The following ATP6V0A4 variants were observed in gnomAD, a reference collection of about 807,000 sequenced individuals.
The protein encoded by ATP6V0A4 is ATPase H+ transporting V0 subunit a4, also known as V-type proton ATPase 116 kDa subunit a 4.
A neutral mutation model predicts 107.3 loss-of-function variants in ATP6V0A4; 86 were observed. The observed-to-expected ratio is 0.80, with a 90% CI of 0.67 to 0.96. The LOEUF (loss-of-function observed/expected upper bound fraction) is 0.96, where lower values mean the gene tolerates loss of function less well. Among genes scored for constraint, ATP6V0A4 ranks in the 40% least tolerant of loss-of-function variants. The pLI, the probability that ATP6V0A4 is intolerant of heterozygous loss-of-function variation, is 0.00. For missense variants in ATP6V0A4, 908 were observed against 1,045.6 expected (o/e 0.87, Z 1.81); for synonymous variants, 353 against 381.4 (o/e 0.93, Z 0.87).
chr7:138,735,914 T>A (rs1805294077), intron 15 of ATP6V0A4, among the ~76,000 whole-genome samples: 1 of 152,218 alleles, frequency 6.6e-6, no homozygotes. Context: ...TTTTAAAAAA[T>A]TAGCCCAGCA....
intron 2 of ATP6V0A4, among the ~76,000 whole-genome samples, chr7:138,780,880 G>C (rs1807888221): frequency 6.6e-6 from 1 of 151,750 alleles, no homozygotes; most frequent in Non-Finnish European, 1.5e-5. Flanking sequence ...ACTCCAGCCT[G>C]GGTGAAAGAG....
At chr7:138,774,289 A>G (rs62486967) in intron 2 of ATP6V0A4, among the ~76,000 whole-genome samples, 15,347 of 152,164 alleles carry the variant, frequency 0.1, 901 homozygotes, top group Non-Finnish European at 0.12. Context: ...TTGAAAAATA[A>G]TTTTGGGGGC....
At chr7:138,731,541 G>T (rs1369946390) in intron 17 of ATP6V0A4, among the ~76,000 whole-genome samples, 2 of 152,108 alleles carry the variant, frequency 1.3e-5, no homozygotes, top group Non-Finnish European at 2.9e-5. Context: ...TGTCATCAAA[G>T]AATTACTCAC....
At chr7:138,783,239 C>T (rs1428780665) in intron 2 of ATP6V0A4, among the ~76,000 whole-genome samples, 1 of 151,902 alleles carries the variant, frequency 6.6e-6, no homozygotes. Context: ...TTCCCCTCCC[C>T]AAATTCTGTG....
intron 8 of ATP6V0A4, 33 bp from the exon 9 acceptor site, chr7:138,756,573 GGGGGTTTCTTTCT>G (rs1806526867): frequency 6.2e-7 from 1 of 1,600,658 alleles, no homozygotes; most frequent in African/African-American, 1.3e-5. Flanking sequence ...AAAAAAAGGG[GGGGGTTTCTTTCT>G]GGTTAAAACA....
intron 17 of ATP6V0A4, among the ~76,000 whole-genome samples, chr7:138,729,589 C>T (rs1178390173): frequency 6.6e-6 from 1 of 152,112 alleles, no homozygotes; most frequent in Non-Finnish European, 1.5e-5. Flanking sequence ...CTTTCACATC[C>T]TCACGCCCCT....
intron 11 of ATP6V0A4, among the ~76,000 whole-genome samples, chr7:138,750,265 T>A (rs901476952): frequency 6.6e-6 from 1 of 152,018 alleles, no homozygotes; most frequent in Non-Finnish European, 1.5e-5. Context: ...TTCTTTTTCT[T>A]TTTTTTTCTT....
intron 17 of ATP6V0A4, among the ~76,000 whole-genome samples, chr7:138,730,916 T>TTCTTC (rs3080531): frequency 1.4e-5 from 2 of 140,970 alleles, no homozygotes; most frequent in African/African-American, 5.3e-5. Context: ...CAAGGCATTT[T>TTCTTC]TTCTTCTTCT....
At chr7:138,771,469 C>A (rs1807388922) in intron 2 of ATP6V0A4, among the ~76,000 whole-genome samples, 1 of 142,284 alleles carries the variant, frequency 7.0e-6, no homozygotes, top group Non-Finnish European at 1.5e-5. Flanking sequence ...TGGTGCAATT[C>A]TGGCTTACTG....
intron 8 of ATP6V0A4, among the ~76,000 whole-genome samples, chr7:138,757,407 C>T (rs1806566033): frequency 6.6e-6 from 1 of 151,926 alleles, no homozygotes; most frequent in Admixed American, 6.6e-5. Context: ...TCCCAGCTAC[C>T]AGGAAGGCTG....
chr7:138,769,187 A>T lies in ATP6V0A4; in HGVS notation c.182T>A (p.Leu61Gln). The T allele has an allele frequency of 6.2e-7, 1 of 1,611,384 alleles. No homozygotes were observed. Among genetic ancestry groups the T allele is most frequent in the Non-Finnish European group, 8.5e-7 (1 of 1,179,800 alleles). ...FVNEVRRCES[L>Q]ERILRFLEDE... Reference sequence around the variant, plus strand: ...AATTGGCTTACGGAGGATTCTCTCCAGTGATTCACACCTTCTGACTTCATT... The same window carrying T: ...AATTGGCTTACGGAGGATTCTCTCCTGTGATTCACACCTTCTGACTTCATT... Residue 61 changes from leucine (L) to glutamine (Q), a missense_variant, in exon 4 of 22, where the codon CTG becomes CAG. Leu to Gln is a moderately radical substitution (Grantham distance 113). Transcript: ENST00000310018.
At chr7:138,787,808 G>A (rs1190305761) in intron 1 of ATP6V0A4, among the ~76,000 whole-genome samples, 1 of 152,026 alleles carries the variant, frequency 6.6e-6, no homozygotes, top group Non-Finnish European at 1.5e-5. Context: ...GACTAGCCTC[G>A]GTAACAGAGC....
intron 12 of ATP6V0A4, 124 bp from the exon 13 acceptor site, chr7:138,747,688 C>T: frequency 7.0e-7 from 1 of 1,437,704 alleles, no homozygotes; most frequent in Non-Finnish European, 9.4e-7. Flanking sequence ...GTTGTCTTTT[C>T]TCACCATCCC....
chr7:138,758,837 G>A (rs931668049), intron 8 of ATP6V0A4, among the ~76,000 whole-genome samples: 4 of 127,036 alleles, frequency 3.1e-5, no homozygotes, highest in Admixed American at 1.0e-4. Flanking sequence ...TGCAACCTCC[G>A]CCTCTTGGGT....
At chr7:138,712,921 G>T (rs995819931) in intron 20 of ATP6V0A4, among the ~76,000 whole-genome samples, 1 of 152,120 alleles carries the variant, frequency 6.6e-6, no homozygotes, top group African/African-American at 2.4e-5. Context: ...ACGAAGCGCT[G>T]AGATCCACTC....
chr7:138,755,797 T>G lies in ATP6V0A4; in HGVS notation c.723-15A>C. 6.2e-7 allele frequency: 1 copy of G among 1,611,202 alleles called. No homozygotes were observed. Among genetic ancestry groups the G allele is most frequent in the Non-Finnish European group, 8.5e-7 (1 of 1,179,936 alleles). On this transcript the variant is annotated splice_polypyrimidine_tract_variant and intron_variant, in intron 9 of 21. Transcript: ENST00000310018. ...TGGCTCGAAACCTGTGTTTAATATA[T>G]TCCAAAGGAAACAGGTGAGTTCTTG... is the stretch of plus-strand genomic sequence containing the variant.
chr7:138,726,269 G>T (rs1279185539), intron 18 of ATP6V0A4, among the ~76,000 whole-genome samples: 1 of 152,288 alleles, frequency 6.6e-6, no homozygotes, highest in East Asian at 1.9e-4. Flanking sequence ...GATTACAGGC[G>T]TGAGCCACCG....
chr7:138,712,001 C>T (rs1031702853), intron 20 of ATP6V0A4, among the ~76,000 whole-genome samples: 1 of 151,866 alleles, frequency 6.6e-6, no homozygotes, highest in Admixed American at 6.6e-5. Context: ...GGTGTGATCT[C>T]GGCTCACTGT....
chr7:138,771,572 G>T (rs572583835), intron 2 of ATP6V0A4, among the ~76,000 whole-genome samples: 3 of 151,846 alleles, frequency 2.0e-5, no homozygotes, highest in African/African-American at 7.2e-5. Context: ...CAGCTATCCT[G>T]ATTCTAAAAA....
Sources: gnomAD v4.1 joint callset for allele counts (sites outside exome capture counted in the v4.1 genomes callset) on GRCh38, gnomAD v4.1.1 for gene constraint, MANE v1.5 for transcripts, NCBI Gene and HGNC (gene_info 2026-07-23, HGNC 2026-07-21) for gene names.